Variants in ADAMTS2 observed in about 807,000 individuals in gnomAD.
ADAMTS2 encodes ADAM metallopeptidase with thrombospondin type 1 motif 2, also known as A disintegrin and metalloproteinase with thrombospondin motifs 2.
Under a neutral mutation model 123.0 loss-of-function variants are expected in ADAMTS2, and 50 were observed. That is an observed-to-expected ratio of 0.41 (90% CI 0.32 to 0.51). ADAMTS2 has a LOEUF of 0.51. ADAMTS2 is among the 20% of genes least tolerant of loss of function. ADAMTS2 has a pLI of 0.35. For missense variants in ADAMTS2, 1,494 were observed against 1,705.2 expected (o/e 0.88, Z 2.18); for synonymous variants, 678 against 695.4 (o/e 0.98, Z 0.39).
At chr5:179,154,330 C>T (rs919262977) in intron 7 of ADAMTS2, 138 bp from the exon 8 acceptor site, 9 of 1,242,952 alleles carry the variant, frequency 7.2e-6, no homozygotes, top group South Asian at 2.8e-5. Flanking sequence ...CGGGTGGCAC[C>T]GACCATCTAC....
chr5:179,240,662 T>C (rs928977981), intron 3 of ADAMTS2, among the ~76,000 whole-genome samples: 2 of 152,214 alleles, frequency 1.3e-5, no homozygotes, highest in African/African-American at 4.8e-5. Flanking sequence ...GTCGACCTCA[T>C]GGGAAATTTT....
At chr5:179,147,501 A>C (rs1196048775) in intron 10 of ADAMTS2, among the ~76,000 whole-genome samples, 2 of 152,200 alleles carry the variant, frequency 1.3e-5, no homozygotes, top group Non-Finnish European at 2.9e-5. Context: ...CCTAAAAATC[A>C]AACAAAATAC....
intron 3 of ADAMTS2, among the ~76,000 whole-genome samples, chr5:179,265,688 G>A (rs865914196): frequency 3.3e-5 from 5 of 152,208 alleles, no homozygotes; most frequent in African/African-American, 1.2e-4. Flanking sequence ...CTTTCCCAGC[G>A]CCGGCCCCCG....
intron 2 of ADAMTS2, among the ~76,000 whole-genome samples, chr5:179,300,333 G>T (rs1358769952): frequency 7.2e-5 from 11 of 152,054 alleles, no homozygotes; most frequent in Admixed American, 7.2e-4. Flanking sequence ...CATGGTTTTT[G>T]CTTTCTCCTT....
At chr5:179,165,549 C>G (rs982426222) in intron 5 of ADAMTS2, among the ~76,000 whole-genome samples, 1 of 152,158 alleles carries the variant, frequency 6.6e-6, no homozygotes, top group Non-Finnish European at 1.5e-5. Context: ...GCCGTAGCAC[C>G]CTGGGCTCTG....
chr5:179,335,189 G>A (rs531557864), intron 2 of ADAMTS2, among the ~76,000 whole-genome samples: 73 of 152,004 alleles, frequency 4.8e-4, no homozygotes, highest in Non-Finnish European at 8.2e-4. Flanking sequence ...AATAGAACTC[G>A]AGCTTTATAT....
At position 179,207,865 on chromosome 5, in the gene ADAMTS2, G is replaced by C. The variant is rs534322818; in HGVS notation, c.689-150C>G. 33 of 752,182 alleles carry C rather than the reference G, an allele frequency of 4.4e-5. No individual in the cohort carries two copies. In the South Asian group the frequency reaches 5.3e-4, roughly 12 times the overall value. 46.6% of individuals were successfully genotyped at this position (752,182 alleles called of 1,614,324 possible). A position where few individuals can be genotyped will look rare whatever the true frequency, so the allele number is the denominator to read the frequency against. On this transcript the variant is annotated intron_variant, in intron 3 of 21. Transcript: ENST00000251582. The stretch of plus-strand genomic sequence containing the variant: ...ATTTTACAGAGGAAAGCGAGGTGCA[G>C]AGGAAGATGGCAGAGACTTGCCAAG...
chr5:179,179,365 G>A (rs73809710), intron 5 of ADAMTS2, among the ~76,000 whole-genome samples: 1,544 of 151,730 alleles, frequency 0.01, 27 homozygotes, highest in African/African-American at 0.035. Flanking sequence ...GGACAAAATC[G>A]TTTTAGCTGT....
Position 179,345,290 on chromosome 5 carries a change from G to A in ADAMTS2, c.39C>T (p.Cys13=), listed in dbSNP as rs2127463927. 1.7e-6 allele frequency: 2 copies of A among 1,144,936 alleles called. No homozygotes were observed. Among genetic ancestry groups the A allele is most frequent in the East Asian group, 8.8e-5 (2 of 22,818 alleles). The allele number at this position is 1,144,936 out of a possible 1,614,324, so 70.9% of individuals were successfully genotyped here. A position where few individuals can be genotyped will look rare whatever the true frequency, so the allele number is the denominator to read the frequency against. ...GCAGCAGCAGCAGCAGCAGCGCGGG[G>A]CAGAGCAGGCGGCGAGCGGCTCCCG... ...PPAGAARRLL[C]PALLLLLLLL... The change falls in exon 1 of 22, where the codon TGC becomes TGT. Residue 13 remains cysteine (C), a synonymous_variant. Coordinates refer to ENST00000251582, the MANE Select transcript of ADAMTS2 (RefSeq NM_014244.5). This position sits in a 1 kb window ranked among gnomAD's most constrained non-coding sequence, Gnocchi z 7.5.
chr5:179,167,747 A>G (rs1206462775), intron 5 of ADAMTS2, among the ~76,000 whole-genome samples: 3 of 152,224 alleles, frequency 2.0e-5, no homozygotes, highest in African/African-American at 7.2e-5. Flanking sequence ...TTCTTGGGCA[A>G]GTTACCTTAC....
chr5:179,265,438 C>T lies in ADAMTS2; in HGVS notation c.688+7473G>A, dbSNP rs116438529. Among the ~76,000 whole-genome samples the T allele has an allele frequency of 8.6e-3, 1,315 of 152,262 alleles. 19 individuals are homozygous for T. Among genetic ancestry groups the T allele is most frequent in the African/African-American group, 0.03 (1,263 of 41,550 alleles). ...TGTCAGGCGGAGTGCCAGGCCCAGA[C>T]GCCGTGGAGGGGGAGCACACCCTGG... On this transcript the variant is annotated intron_variant, in intron 3 of 21. Coordinates refer to ENST00000251582, the MANE Select transcript of ADAMTS2 (RefSeq NM_014244.5).
rs34369919 is a variant in ADAMTS2, at chr5:179,140,081, C to T, written c.1630-46G>A. The stretch of plus-strand genomic sequence containing the variant: ...CCCTCCACTCACCCTCACACCGGGC[C>T]GTGGGGACAGTCCTGCGCTCTGCAG... On this transcript the variant is annotated intron_variant, in intron 10 of 21. Transcript: ENST00000251582. The T allele has an allele frequency of 0.16, 256,127 of 1,612,536 alleles. 22,272 individuals carry two copies. The highest frequency in any genetic ancestry group is 0.21 in the Middle Eastern group (1,252 of 6,024).
At chr5:179,138,295 G>C (rs1380631072) in intron 11 of ADAMTS2, among the ~76,000 whole-genome samples, 1 of 152,204 alleles carries the variant, frequency 6.6e-6, no homozygotes, top group Admixed American at 6.5e-5. Context: ...TGGGTGTTTA[G>C]GTTCTGTGTT....
intron 2 of ADAMTS2, among the ~76,000 whole-genome samples, chr5:179,305,085 G>A (rs2113565957): frequency 6.7e-6 from 1 of 148,200 alleles, no homozygotes; most frequent in Middle Eastern, 3.6e-3. Context: ...TGTCAACCCA[G>A]AATTCTATCT....
chr5:179,293,172 C>G (rs1184942144), intron 2 of ADAMTS2, among the ~76,000 whole-genome samples: 1 of 152,232 alleles, frequency 6.6e-6, no homozygotes, highest in Non-Finnish European at 1.5e-5. Context: ...CTTTCCTCTG[C>G]TCCCCGAAAA....
chr5:179,337,613 A>G (rs1042014439), intron 2 of ADAMTS2, among the ~76,000 whole-genome samples: 9 of 152,218 alleles, frequency 5.9e-5, no homozygotes, highest in Admixed American at 4.6e-4. Flanking sequence ...GGTGGGGTAA[A>G]GAAGGACATG....
chr5:179,131,465 A>T (rs2113203442), intron 15 of ADAMTS2, among the ~76,000 whole-genome samples: 1 of 152,318 alleles, frequency 6.6e-6, no homozygotes, highest in Admixed American at 6.5e-5. Context: ...GGTCCACGGC[A>T]GCGTGGGAGC....
At chr5:179,287,815 G>C (rs945728272) in intron 2 of ADAMTS2, among the ~76,000 whole-genome samples, 1 of 152,224 alleles carries the variant, frequency 6.6e-6, no homozygotes. Flanking sequence ...GCTCCCAGCA[G>C]TGTGGGGAAG....
rs570026419 is a variant in ADAMTS2 at position 179,152,712 on chromosome 5, C to T, written c.1516-457G>A. 3.3e-5 allele frequency among the ~76,000 whole-genome samples: 5 copies of T among 152,270 alleles called. No homozygotes were observed. The South Asian group carries it at 6.2e-4, about 19-fold the overall frequency. On this transcript the variant is annotated intron_variant, in intron 9 of 21. Transcript: ENST00000251582. ...TGTCCTGATAGCACTTCCTGCAGGA[C>T]GTCCCTGAGGGATCAGCTGAAACTC...
Sources: allele counts gnomAD v4.1 joint callset (sites outside exome capture counted in the v4.1 genomes callset), GRCh38; gene constraint gnomAD v4.1.1; non-coding constraint Gnocchi (gnomAD v3.1); transcripts MANE v1.5; gene names NCBI Gene and HGNC (gene_info 2026-07-23, HGNC 2026-07-21).